GABRG3: variants seen among roughly 807,000 people sequenced by gnomAD.
GABRG3 encodes gamma-aminobutyric acid receptor subunit gamma-3.
A neutral mutation model predicts 48.8 loss-of-function variants in GABRG3; 25 were observed. The observed-to-expected ratio is 0.51, with a 90% confidence interval of 0.37 to 0.72. The LOEUF (loss-of-function observed/expected upper bound fraction) is 0.72. Among genes scored for constraint, GABRG3 ranks in the 30% least tolerant of loss-of-function variants. GABRG3 has a pLI of 0.00. For missense variants in GABRG3, 394 were observed against 577.9 expected, an observed-to-expected ratio of 0.68 and a Z score of 3.26; for synonymous variants, 227 against 217.6, an observed-to-expected ratio of 1.04 and a Z score of -0.38.
At chr15:27,417,708 A>G (rs995450202) in intron 5 of GABRG3, among the ~76,000 whole-genome samples, 1 of 152,152 alleles carries the variant, frequency 6.6e-6, no homozygotes, top group Non-Finnish European at 1.5e-5. Context: ...CAGCAACAAG[A>G]TCATCTTGGG....
At chr15:27,258,335 C>G (rs1332538863) in intron 3 of GABRG3, among the ~76,000 whole-genome samples, 2 of 152,222 alleles carry the variant, frequency 1.3e-5, no homozygotes, top group Non-Finnish European at 2.9e-5. Context: ...CCATTCACCT[C>G]TGTCTCTCCT....
At chr15:27,372,983 G>A (rs952713250) in intron 5 of GABRG3, among the ~76,000 whole-genome samples, 13 of 152,194 alleles carry the variant, frequency 8.5e-5, no homozygotes, top group African/African-American at 3.1e-4. Flanking sequence ...TTTCTCAGCT[G>A]GTTCAGTTTT....
chr15:27,173,873 C>A (rs1366899856), intron 3 of GABRG3, among the ~76,000 whole-genome samples: 1 of 152,030 alleles, frequency 6.6e-6, no homozygotes, highest in Non-Finnish European at 1.5e-5. Flanking sequence ...CAGAGTGAGA[C>A]TGTCTCTGAA....
At chr15:27,381,245 T>C (rs1184767506) in intron 5 of GABRG3, among the ~76,000 whole-genome samples, 1 of 152,184 alleles carries the variant, frequency 6.6e-6, no homozygotes, top group Admixed American at 6.5e-5. Flanking sequence ...CCCCAGCCAG[T>C]TAGATGATGG....
intron 5 of GABRG3, among the ~76,000 whole-genome samples, chr15:27,413,281 T>G (rs1887851252): frequency 1.3e-5 from 2 of 152,190 alleles, no homozygotes; most frequent in African/African-American, 4.8e-5. Flanking sequence ...TCATTTTATT[T>G]TAAGACTACA....
chr15:27,487,594 C>T (rs2150847750), intron 6 of GABRG3, among the ~76,000 whole-genome samples: 1 of 152,236 alleles, frequency 6.6e-6, no homozygotes, highest in Admixed American at 6.5e-5. Flanking sequence ...TCCCGGTTTC[C>T]AGAACATTTT....
chr15:27,233,604 C>T (rs1042078261), intron 3 of GABRG3, among the ~76,000 whole-genome samples: 2 of 152,138 alleles, frequency 1.3e-5, no homozygotes, highest in Admixed American at 1.3e-4. Flanking sequence ...CCCTCATGAC[C>T]TAATTTCCTC....
chr15:27,254,369 G>C (rs1171308132), intron 3 of GABRG3, among the ~76,000 whole-genome samples: 1 of 152,154 alleles, frequency 6.6e-6, no homozygotes, highest in Admixed American at 6.5e-5. Context: ...GTTCTCGCCT[G>C]TTCTTCTGAG....
At chr15:27,516,110 GA>G (rs59600619) in intron 6 of GABRG3, among the ~76,000 whole-genome samples, 12,314 of 123,160 alleles carry the variant, frequency 0.1, 1,019 homozygotes, top group African/African-American at 0.25. Flanking sequence ...AGCATTTTCA[GA>G]AAAAAAAAAA....
At chr15:27,000,114 G>T (rs925991494) in intron 2 of GABRG3, among the ~76,000 whole-genome samples, 1 of 152,082 alleles carries the variant, frequency 6.6e-6, no homozygotes, top group Non-Finnish European at 1.5e-5. Flanking sequence ...TCTAGCATTT[G>T]TATCAGCCTG....
chr15:27,119,833 G>A (rs527594616), intron 3 of GABRG3, among the ~76,000 whole-genome samples: 1 of 152,322 alleles, frequency 6.6e-6, no homozygotes, highest in Non-Finnish European at 1.5e-5. Context: ...TTGGCACATG[G>A]GCATTCCCAG....
intron 3 of GABRG3, among the ~76,000 whole-genome samples, chr15:27,065,020 A>G (rs1383876744): frequency 6.6e-6 from 1 of 152,014 alleles, no homozygotes; most frequent in African/African-American, 2.4e-5. Flanking sequence ...TGACATCATC[A>G]TTTTTCCTGA....
chr15:27,212,126 G>A (rs1480397535), intron 3 of GABRG3, among the ~76,000 whole-genome samples: 1 of 152,210 alleles, frequency 6.6e-6, no homozygotes, highest in Admixed American at 6.5e-5. Flanking sequence ...TCAAGCTGAT[G>A]TCAAGTCTAG....
intron 3 of GABRG3, among the ~76,000 whole-genome samples, chr15:27,261,645 A>G (rs916925014): frequency 2.6e-5 from 4 of 152,000 alleles, no homozygotes; most frequent in Admixed American, 2.6e-4. Context: ...ATATTCATCA[A>G]ACTGACATTT....
chr15:27,358,123 C>A (rs1894901476), intron 5 of GABRG3, among the ~76,000 whole-genome samples: 1 of 152,142 alleles, frequency 6.6e-6, no homozygotes, highest in African/African-American at 2.4e-5. Flanking sequence ...TTCCAAAATT[C>A]CAATTTCCAC....
intron 5 of GABRG3, among the ~76,000 whole-genome samples, chr15:27,452,312 A>G (rs1405014476): frequency 6.6e-6 from 1 of 152,204 alleles, no homozygotes; most frequent in East Asian, 1.9e-4. Flanking sequence ...ATGATGGAAA[A>G]CAGTATGGTG....
rs1389472009 is a variant in GABRG3 at position 27,352,214 on chromosome 15, C to T, written c.574+23326C>T. 6.6e-6 allele frequency among the ~76,000 whole-genome samples: 1 copy of T among 151,588 alleles called. No homozygotes were observed. ...TGTATCTTGGATCCTTTTAAGACTGCGTGGCAGTGTAGGGATTCTGCCAGA... is the reference window on the plus strand; with the variant it reads ...TGTATCTTGGATCCTTTTAAGACTGTGTGGCAGTGTAGGGATTCTGCCAGA... On this transcript the variant is annotated intron_variant, in intron 5 of 9. Transcript: ENST00000615808. This position sits in a 1 kb window ranked among gnomAD's most constrained non-coding sequence, Gnocchi z 4.0.
At chr15:27,438,501 T>C (rs1888684935) in intron 5 of GABRG3, among the ~76,000 whole-genome samples, 1 of 152,170 alleles carries the variant, frequency 6.6e-6, no homozygotes, top group Admixed American at 6.5e-5. Context: ...ACGAAATGCT[T>C]CCAGCTCTGG....
At chr15:27,307,145 T>A (rs1429679529) in intron 3 of GABRG3, among the ~76,000 whole-genome samples, 3 of 133,568 alleles carry the variant, frequency 2.2e-5, no homozygotes, top group Non-Finnish European at 4.6e-5. Context: ...TTTATACATA[T>A]ATAAACATAT....
Sources: allele counts gnomAD v4.1 joint callset (sites outside exome capture counted in the v4.1 genomes callset), GRCh38; gene constraint gnomAD v4.1.1; non-coding constraint Gnocchi (gnomAD v3.1); transcripts MANE v1.5; gene names NCBI Gene and HGNC (gene_info 2026-07-23, HGNC 2026-07-21).